ATG7: variants seen among roughly 807,000 people sequenced by gnomAD.
ATG7 encodes the protein ubiquitin-like modifier-activating enzyme ATG7.
In ATG7, 70 loss-of-function variants were observed where a neutral mutation model predicts 82.4. The observed-to-expected ratio is 0.85, with a 90% confidence interval of 0.70 to 1.04. The LOEUF is 1.04. ATG7 is among the 50% of genes least tolerant of loss of function. The probability of loss-of-function intolerance (pLI) is 0.00; values close to 1 mark genes in which losing one functional copy is unlikely to be tolerated. For missense variants in ATG7, 792 were observed against 864.3 expected (o/e 0.92, Z 1.05); for synonymous variants, 287 against 313.0 (o/e 0.92, Z 0.88).
chr3:11,555,025 A>C lies in ATG7; in HGVS notation c.*182A>C. 1.4e-6 allele frequency: 1 copy of C among 691,700 alleles called. No individual in the cohort carries two copies. The highest frequency in any genetic ancestry group is 2.3e-6 in the Non-Finnish European group (1 of 431,230). The allele number at this position is 691,700 out of a possible 1,614,324, so 42.8% of individuals were successfully genotyped here. The stretch of plus-strand genomic sequence containing the variant: ...TGTTCGGCGTTGCTCGGGATTCAAG[A>C]TACCACCAGTTCAGAGCTAAATAAT... On this transcript the variant is annotated 3_prime_UTR_variant, in exon 21 of 21. Coordinates refer to ENST00000693202, the MANE Select transcript of ATG7 (RefSeq NM_001349232.2).
chr3:11,332,272 T>G (rs1419262942), intron 10 of ATG7, among the ~76,000 whole-genome samples: 1 of 152,178 alleles, frequency 6.6e-6, no homozygotes, highest in African/African-American at 2.4e-5. Context: ...GTGAAATAAG[T>G]TGGACCTAAA....
intron 20 of ATG7, among the ~76,000 whole-genome samples, chr3:11,541,481 CT>C (rs1280831059): frequency 5.3e-5 from 8 of 152,186 alleles, no homozygotes; most frequent in Non-Finnish European, 1.2e-4. Context: ...GGGTCAGTGT[CT>C]GCCTTGTTAC....
chr3:11,309,186 T>G (rs1182139915), intron 7 of ATG7, 125 bp downstream of exon 7: 7 of 946,464 alleles, frequency 7.4e-6, no homozygotes, highest in African/African-American at 1.6e-5. Context: ...ATAATAGCTG[T>G]TAACGAAACG....
At chr3:11,527,302 G>T (rs1341305668) in intron 20 of ATG7, among the ~76,000 whole-genome samples, 1 of 151,824 alleles carries the variant, frequency 6.6e-6, no homozygotes, top group East Asian at 1.9e-4. Flanking sequence ...ATGGGGTTTC[G>T]CCATGTTGGC....
chr3:11,500,281 G>A (rs948158280), intron 20 of ATG7, among the ~76,000 whole-genome samples: 3 of 152,120 alleles, frequency 2.0e-5, no homozygotes, highest in African/African-American at 7.2e-5. Flanking sequence ...TTGGAGTAAG[G>A]AGGTGGAGAC....
chr3:11,502,207 T>C (rs866577840), intron 20 of ATG7, among the ~76,000 whole-genome samples: 57 of 152,092 alleles, frequency 3.7e-4, no homozygotes, highest in African/African-American at 1.3e-3. Flanking sequence ...AATTCTTTTT[T>C]TTTTTAATTT....
intron 1 of ATG7, among the ~76,000 whole-genome samples, chr3:11,275,670 C>G (rs958484041): frequency 5.3e-5 from 8 of 152,032 alleles, no homozygotes; most frequent in East Asian, 1.9e-4. Context: ...CTTTCTATCT[C>G]CTGATCTCCC....
chr3:11,556,737 C>A lies in ATG7; in HGVS notation c.*1894C>A, dbSNP rs2072456714. On this transcript the variant is annotated 3_prime_UTR_variant, in exon 21 of 21. Transcript: ENST00000693202. ...ATACCTACAAATTTCTCTGTACATT[C>A]TTTACGCACAGCGTAACGATGGTCT... The A allele has an allele frequency of 6.5e-6, 1 of 152,770 alleles. No homozygotes were observed. The allele number at this position is 152,770 out of a possible 1,614,324, so 9.5% of individuals were successfully genotyped here.
At chr3:11,439,629 C>CCT (rs2083692234) in intron 20 of ATG7, among the ~76,000 whole-genome samples, 1 of 152,116 alleles carries the variant, frequency 6.6e-6, no homozygotes, top group Non-Finnish European at 1.5e-5. Context: ...GACTGCAAGG[C>CCT]AGTGGGTGTG....
chr3:11,334,107 G>A (rs1357769532), intron 11 of ATG7, among the ~76,000 whole-genome samples: 1 of 152,084 alleles, frequency 6.6e-6, no homozygotes, highest in Admixed American at 6.6e-5. Context: ...AGAGCACGAT[G>A]TCTGGCACAT....
chr3:11,493,107 A>G (rs913185957), intron 20 of ATG7, among the ~76,000 whole-genome samples: 2 of 152,252 alleles, frequency 1.3e-5, no homozygotes, highest in Non-Finnish European at 2.9e-5. Context: ...GAGGTCACGT[A>G]GACGAATTGA....
At chr3:11,412,184 T>C (rs1239538327) in intron 19 of ATG7, among the ~76,000 whole-genome samples, 3 of 151,300 alleles carry the variant, frequency 2.0e-5, no homozygotes, top group African/African-American at 7.3e-5. Context: ...AACATAACAA[T>C]ATGTAAGAAA....
At chr3:11,424,126 T>G (rs975262835) in intron 19 of ATG7, among the ~76,000 whole-genome samples, 3 of 152,144 alleles carry the variant, frequency 2.0e-5, no homozygotes, top group African/African-American at 7.2e-5. Flanking sequence ...TTTTCACTGC[T>G]GCAGCTTTGC....
rs909144702 is a variant in ATG7, at chr3:11,273,134, T to A, written c.-366+704T>A. ...AACACTGGCGACTGATGCCATTTTT[T>A]AAAAATTGGCAAGTAATTCTGGCGT... On this transcript the variant is annotated intron_variant, in intron 1 of 20. Coordinates refer to ENST00000693202, the MANE Select transcript of ATG7 (RefSeq NM_001349232.2). Among the ~76,000 whole-genome samples, 8 of 152,258 alleles carry A rather than the reference T, an allele frequency of 5.3e-5. 1 individual carries two copies. The highest frequency in any genetic ancestry group is 4.1e-4 in the South Asian group (2 of 4,834).
chr3:11,383,082 T>C (rs1254540371), intron 19 of ATG7, among the ~76,000 whole-genome samples: 1 of 152,248 alleles, frequency 6.6e-6, no homozygotes, highest in African/African-American at 2.4e-5. Flanking sequence ...TCAGGCAATT[T>C]AATGTTTGCA....
In ATG7 at chr3:11,538,874, C is replaced by CAAAAAAA. The variant is rs60200228; in HGVS notation, c.2080-15934_2080-15928dup. On this transcript the variant is annotated intron_variant, in intron 20 of 20. Transcript: ENST00000693202. ...GGGCAACAGAGTGAGACTCTTGTCT[C>CAAAAAAA]AAAAAAAAAGAAAAAGAAAAAGCCC... is the stretch of plus-strand genomic sequence containing the variant. Among the ~76,000 whole-genome samples the CAAAAAAA allele has an allele frequency of 4.6e-3, 642 of 140,168 alleles. 5 individuals carry two copies. Among genetic ancestry groups the CAAAAAAA allele is most frequent in the African/African-American group, 0.015 (551 of 37,372 alleles). 92.0% of individuals were successfully genotyped at this position (140,168 alleles called of 152,430 possible).
chr3:11,551,752 T>G (rs2071810738), intron 20 of ATG7, among the ~76,000 whole-genome samples: 1 of 138,452 alleles, frequency 7.2e-6, no homozygotes, highest in African/African-American at 2.9e-5. Flanking sequence ...TCTTTTCTTT[T>G]CTTTTTTTTT....
At chr3:11,464,062 A>G (rs1259529155) in intron 20 of ATG7, among the ~76,000 whole-genome samples, 1 of 152,230 alleles carries the variant, frequency 6.6e-6, no homozygotes, top group Non-Finnish European at 1.5e-5. Flanking sequence ...GAAAAACAAC[A>G]GGTGTAGTAT....
At chr3:11,408,609 C>T (rs1380491352) in intron 19 of ATG7, among the ~76,000 whole-genome samples, 1 of 152,136 alleles carries the variant, frequency 6.6e-6, no homozygotes, top group Non-Finnish European at 1.5e-5. Context: ...TTGGGGAGGC[C>T]TTACAATCCT....
Sources: allele counts gnomAD v4.1 joint callset (sites outside exome capture counted in the v4.1 genomes callset), GRCh38; gene constraint gnomAD v4.1.1; transcripts MANE v1.5; gene names NCBI Gene and HGNC (gene_info 2026-07-23, HGNC 2026-07-21).